The following SEMA6D variants were observed in gnomAD, a reference collection of about 807,000 sequenced individuals.
SEMA6D encodes semaphorin 6D.
A neutral mutation model predicts 106.6 loss-of-function variants in SEMA6D; 35 were observed. The ratio of observed to expected loss-of-function variants is 0.33; its 90% CI spans 0.25 to 0.44. SEMA6D has a LOEUF of 0.44. Ranked by LOEUF, SEMA6D falls within the 20% of genes least tolerant of loss-of-function variation. The probability of loss-of-function intolerance (pLI) is 1.00; values close to 1 mark genes in which losing one functional copy is unlikely to be tolerated. For synonymous variants in SEMA6D, 499 were observed against 487.7 expected, an observed-to-expected ratio of 1.02 and a Z score of -0.31; for missense variants, 1,185 against 1,345.9, an observed-to-expected ratio of 0.88 and a Z score of 1.87.
chr15:47,382,063 A>G (rs977530919), intron 1 of SEMA6D, among the ~76,000 whole-genome samples: 4 of 152,238 alleles, frequency 2.6e-5, no homozygotes, highest in Non-Finnish European at 4.4e-5. Flanking sequence ...GATGAAATAA[A>G]TAAAGATACA....
intron 4 of SEMA6D, among the ~76,000 whole-genome samples, chr15:47,607,574 G>A (rs1464148965): frequency 1.3e-5 from 2 of 152,186 alleles, no homozygotes; most frequent in East Asian, 1.9e-4. Flanking sequence ...GAGAAGGAGA[G>A]CATTATTGGC....
At chr15:47,702,659 G>T (rs981230764) in intron 4 of SEMA6D, among the ~76,000 whole-genome samples, 1 of 151,994 alleles carries the variant, frequency 6.6e-6, no homozygotes, top group South Asian at 2.1e-4. Context: ...TAATACATTC[G>T]GACCATGGAA....
chr15:47,772,357 C>CATGT lies in SEMA6D; in HGVS notation c.*572_*573insATGT, dbSNP rs369451587. 1.4e-5 allele frequency: 2 copies of CATGT among 141,546 alleles called. No homozygotes were observed. The highest frequency in any genetic ancestry group is 5.4e-5 in the African/African-American group (2 of 37,024). 8.8% of individuals were successfully genotyped at this position (141,546 alleles called of 1,614,324 possible). Reference sequence around the variant, plus strand: ...CACCAACAAACTTGTTGTGTGTGTGCGTGTGTGTGTGTGTGTGTGTGTGTG... The same window carrying CATGT: ...CACCAACAAACTTGTTGTGTGTGTGCATGTGTGTGTGTGTGTGTGTGTGTGTGTG... On this transcript the variant is annotated 3_prime_UTR_variant, in exon 19 of 19. Transcript: ENST00000536845.
chr15:47,356,124 T>A (rs780679957), intron 1 of SEMA6D, among the ~76,000 whole-genome samples: 7 of 152,226 alleles, frequency 4.6e-5, no homozygotes, highest in Non-Finnish European at 1.0e-4. Flanking sequence ...TAATATTATT[T>A]TCCTTTTCTC....
intron 1 of SEMA6D, among the ~76,000 whole-genome samples, chr15:47,243,426 GA>G (rs562459263): frequency 1.6e-3 from 229 of 144,614 alleles, no homozygotes; most frequent in South Asian, 2.7e-3. Context: ...TGCAGAAATT[GA>G]AAAAAAAAAA....
chr15:47,185,747 C>T (rs1452760928), intron 1 of SEMA6D: 2 of 152,128 alleles, frequency 1.3e-5, no homozygotes, highest in Non-Finnish European at 2.9e-5. Flanking sequence ...CAAAAGACTT[C>T]TGCATACAGT....
chr15:47,255,263 G>T (rs192922920), intron 1 of SEMA6D, among the ~76,000 whole-genome samples: 1 of 152,040 alleles, frequency 6.6e-6, no homozygotes, highest in African/African-American at 2.4e-5. Flanking sequence ...TGTGATCGTT[G>T]TATTACTGTG....
chr15:47,214,522 T>A (rs572559758), intron 1 of SEMA6D, among the ~76,000 whole-genome samples: 1 of 152,346 alleles, frequency 6.6e-6, no homozygotes, highest in African/African-American at 2.4e-5. Context: ...GGTTTTTGTT[T>A]GTAGATTCTG....
At chr15:47,711,173 A>G (rs2079012103) in intron 4 of SEMA6D, among the ~76,000 whole-genome samples, 1 of 150,814 alleles carries the variant, frequency 6.6e-6, no homozygotes, top group South Asian at 2.1e-4. Flanking sequence ...AGCCGGGCGT[A>G]GTGGCGGGCG....
At chr15:47,467,739 C>T (rs915266653) in intron 2 of SEMA6D, among the ~76,000 whole-genome samples, 2 of 152,076 alleles carry the variant, frequency 1.3e-5, no homozygotes, top group Admixed American at 6.6e-5. Flanking sequence ...GCTAAGAGAT[C>T]ATTGATATAG....
chr15:47,357,044 G>T (rs1771824775), intron 1 of SEMA6D, among the ~76,000 whole-genome samples: 1 of 152,038 alleles, frequency 6.6e-6, no homozygotes, highest in Non-Finnish European at 1.5e-5. Context: ...ACATAAAATG[G>T]GGCTGTGCGG....
chr15:47,235,991 T>C (rs1457461858), intron 1 of SEMA6D, among the ~76,000 whole-genome samples: 1 of 152,120 alleles, frequency 6.6e-6, no homozygotes, highest in Non-Finnish European at 1.5e-5. Context: ...TCAAGACTGC[T>C]GTTGAGCTGG....
intron 1 of SEMA6D, among the ~76,000 whole-genome samples, chr15:47,196,948 C>T (rs1251928806): frequency 6.6e-6 from 1 of 152,114 alleles, no homozygotes; most frequent in African/African-American, 2.4e-5. Context: ...GGGAAAACTA[C>T]CAGATTCTTA....
intron 2 of SEMA6D, among the ~76,000 whole-genome samples, chr15:47,452,053 C>A (rs897716797): frequency 6.6e-6 from 1 of 151,936 alleles, no homozygotes; most frequent in Non-Finnish European, 1.5e-5. Flanking sequence ...CATACGTAGA[C>A]CTCAGTTACT....
intron 4 of SEMA6D, among the ~76,000 whole-genome samples, chr15:47,677,105 G>A (rs1254119623): frequency 6.6e-6 from 1 of 152,058 alleles, no homozygotes; most frequent in Non-Finnish European, 1.5e-5. Context: ...AGGTGATAAT[G>A]CTCGCTCACC....
intron 1 of SEMA6D, among the ~76,000 whole-genome samples, chr15:47,328,823 C>T (rs2037231368): frequency 6.6e-6 from 1 of 152,172 alleles, no homozygotes; most frequent in South Asian, 2.1e-4. Context: ...TGATGGAGTC[C>T]ACTGTTGGGG....
intron 4 of SEMA6D, among the ~76,000 whole-genome samples, chr15:47,672,199 C>T (rs2078150773): frequency 6.6e-6 from 1 of 152,248 alleles, no homozygotes; most frequent in Middle Eastern, 3.4e-3. Context: ...GTATTCAAAA[C>T]CAGGAAGCCT....
rs574140082 is a variant in SEMA6D at position 47,704,153 on chromosome 15, T to C, written c.-54-55592T>C. Among the ~76,000 whole-genome samples the C allele has an allele frequency of 2.6e-5, 4 of 152,246 alleles. No homozygotes were observed. In the South Asian group the frequency reaches 8.3e-4, roughly 32 times the overall value. ...GTATATAGTGGATATCTTTCTTTCT[T>C]TTTTAAAATTTTTGTAGAGATAAGG... On this transcript the variant is annotated intron_variant, in intron 4 of 19. Transcript: ENST00000558014.
chr15:47,527,067 T>C (rs2044784289), intron 3 of SEMA6D, among the ~76,000 whole-genome samples: 1 of 152,220 alleles, frequency 6.6e-6, no homozygotes, highest in Non-Finnish European at 1.5e-5. Flanking sequence ...GGGTGGTCCT[T>C]TGTTTACTCA....
Sources: gnomAD v4.1 joint callset for allele counts (sites outside exome capture counted in the v4.1 genomes callset) on GRCh38, gnomAD v4.1.1 for gene constraint, MANE v1.5 for transcripts, NCBI Gene and HGNC (gene_info 2026-07-23, HGNC 2026-07-21) for gene names.